CLIP1: variants seen among roughly 807,000 people sequenced by gnomAD.
CLIP1 encodes CAP-Gly domain-containing linker protein 1.
Under a neutral mutation model 161.6 loss-of-function variants are expected in CLIP1, and 66 were observed. The observed-to-expected ratio is 0.41, with a 90% CI of 0.33 to 0.50. The LOEUF is 0.50. CLIP1 is among the 20% of genes least tolerant of loss of function. The probability of loss-of-function intolerance (pLI) is 0.27; values close to 1 mark genes in which losing one functional copy is unlikely to be tolerated. For synonymous variants in CLIP1, 598 were observed against 626.2 expected, an observed-to-expected ratio of 0.96 and a Z score of 0.67; for missense variants, 1,376 against 1,702.0, an observed-to-expected ratio of 0.81 and a Z score of 3.37.
At chr12:122,373,341 T>G (rs1280901849) in intron 3 of CLIP1, among the ~76,000 whole-genome samples, 1 of 151,664 alleles carries the variant, frequency 6.6e-6, no homozygotes, top group Non-Finnish European at 1.5e-5. Context: ...GAGAATCGCT[T>G]GAACCCGGCA....
At chr12:122,287,609 G>A (rs1034097141) in intron 21 of CLIP1, among the ~76,000 whole-genome samples, 2 of 152,116 alleles carry the variant, frequency 1.3e-5, no homozygotes, top group African/African-American at 4.8e-5. Context: ...AAAACTGCAC[G>A]TTTTAGAAGA....
In CLIP1 at chr12:122,288,646, T is replaced by C. The variant is rs562692343; in HGVS notation, c.3595-105A>G. ...CAGGCTCCAGGACAGCTAAAGCCAT[T>C]GGCTTTCCTCAACAGCAATGAAGAG... On this transcript the variant is annotated intron_variant, in intron 20 of 25. Coordinates refer to ENST00000620786, the MANE Select transcript of CLIP1 (RefSeq NM_001247997.2). The C allele has an allele frequency of 6.7e-6, 6 of 901,800 alleles. No individual in the cohort carries two copies. In the South Asian group the frequency reaches 9.3e-5, roughly 14 times the overall value. The allele number at this position is 901,800 out of a possible 1,614,324, so 55.9% of individuals were successfully genotyped here. A position where few individuals can be genotyped will look rare whatever the true frequency, so the allele number is the denominator to read the frequency against.
At position 122,362,446 on chromosome 12, in the gene CLIP1, T is replaced by G. The variant is rs563081565; in HGVS notation, c.783-1265A>C. 1.4e-4 allele frequency among the ~76,000 whole-genome samples: 21 copies of G among 149,824 alleles called. No homozygotes were observed. The South Asian group carries it at 3.0e-3, about 21-fold the overall frequency. Reference sequence around the variant, plus strand: ...TCATGAGGTCAGGAGATCGAGACCATCCTGTCCAACATGGTGAAACCCAGT... The same window carrying G: ...TCATGAGGTCAGGAGATCGAGACCAGCCTGTCCAACATGGTGAAACCCAGT... On this transcript the variant is annotated intron_variant, in intron 4 of 25. Transcript: ENST00000620786.
At chr12:122,412,041 A>G (rs1244976290) in intron 1 of CLIP1, among the ~76,000 whole-genome samples, 1 of 137,968 alleles carries the variant, frequency 7.2e-6, no homozygotes, top group Non-Finnish European at 1.6e-5. Context: ...CCTACTTACT[A>G]TCTACAACCA....
chr12:122,293,664 G>A (rs1318899006), intron 20 of CLIP1, among the ~76,000 whole-genome samples: 1 of 151,740 alleles, frequency 6.6e-6, no homozygotes, highest in Non-Finnish European at 1.5e-5. Flanking sequence ...TTTTAGTAGA[G>A]ACAGGTTTTC....
chr12:122,333,172 A>G, intron 14 of CLIP1, 29 bp from the exon 15 acceptor site: 1 of 1,567,546 alleles, frequency 6.4e-7, no homozygotes, highest in Non-Finnish European at 8.7e-7. Context: ...AAAGAATAGC[A>G]CGGCTGTGTT....
At chr12:122,394,055 C>G (rs1047354520) in intron 1 of CLIP1, among the ~76,000 whole-genome samples, 2 of 152,020 alleles carry the variant, frequency 1.3e-5, no homozygotes, top group African/African-American at 2.4e-5. Flanking sequence ...GATGTGATGT[C>G]TCTCTGACAC....
rs1025394671 is a variant in CLIP1, at chr12:122,330,602, T to TTTTTTTTTTGTTTTTTG, written c.2868-2177_2868-2176insCAAAAAACAAAAAAAAA. Among the ~76,000 whole-genome samples the TTTTTTTTTTGTTTTTTG allele has an allele frequency of 1.8e-3, 255 of 138,330 alleles. 12 individuals carry two copies. Among genetic ancestry groups the TTTTTTTTTTGTTTTTTG allele is most frequent in the African/African-American group, 6.9e-3 (246 of 35,838 alleles). 90.7% of individuals were successfully genotyped at this position (138,330 alleles called of 152,430 possible). A position where few individuals can be genotyped will look rare whatever the true frequency, so the allele number is the denominator to read the frequency against. On this transcript the variant is annotated intron_variant, in intron 15 of 25. Transcript: ENST00000620786. ...CACTGAAGAAGTATAATGCAGTTTT[T>TTTTTTTTTTGTTTTTTG]TTTTTTTTTTTTTTTGAGATGGAGT...
chr12:122,337,475 GA>G (rs1566135719), intron 11 of CLIP1, among the ~76,000 whole-genome samples: 1 of 94,582 alleles, frequency 1.1e-5, no homozygotes, highest in Non-Finnish European at 2.2e-5. Flanking sequence ...AGAAAAGAGA[GA>G]TGGGGTCTCA....
intron 20 of CLIP1, among the ~76,000 whole-genome samples, chr12:122,293,307 C>T (rs969759328): frequency 6.6e-6 from 1 of 152,072 alleles, no homozygotes; most frequent in Non-Finnish European, 1.5e-5. Context: ...CCTGGGCACC[C>T]AAGCCCTCCA....
chr12:122,369,180 G>A (rs919284539), intron 3 of CLIP1, among the ~76,000 whole-genome samples: 2 of 151,748 alleles, frequency 1.3e-5, no homozygotes, highest in African/African-American at 4.8e-5. Context: ...CACCACGCCC[G>A]GCTAATATTT....
rs1176465958 is a variant in CLIP1 at position 122,390,301 on chromosome 12, T to C, written c.-106-9743A>G. ...ATACATATATATATATATATATATA[T>C]ATGTATATATATATATATTATTTTT... On this transcript the variant is annotated intron_variant, in intron 1 of 25. Transcript: ENST00000620786. Among the ~76,000 whole-genome samples the C allele has an allele frequency of 1.1e-4, 14 of 132,878 alleles. 1 individual carries two copies. The highest frequency in any genetic ancestry group is 9.5e-4 in the Admixed American group (12 of 12,566). The allele number at this position is 132,878 out of a possible 152,430, so 87.2% of individuals were successfully genotyped here. A position where few individuals can be genotyped will look rare whatever the true frequency, so the allele number is the denominator to read the frequency against.
At chr12:122,357,101 T>C (rs1953438588) in intron 5 of CLIP1, among the ~76,000 whole-genome samples, 2 of 148,124 alleles carry the variant, frequency 1.4e-5, no homozygotes, top group African/African-American at 5.0e-5. Flanking sequence ...GGCTGCCCAG[T>C]CTGGAAAGTG....
chr12:122,301,832 A>C (rs1950692487), intron 20 of CLIP1, among the ~76,000 whole-genome samples: 1 of 152,098 alleles, frequency 6.6e-6, no homozygotes, highest in East Asian at 1.9e-4. Context: ...GCTTGGCTCA[A>C]ATTTATCATC....
At chr12:122,365,052 A>G (rs1211226854) in intron 3 of CLIP1, among the ~76,000 whole-genome samples, 1 of 152,022 alleles carries the variant, frequency 6.6e-6, no homozygotes, top group African/African-American at 2.4e-5. Context: ...ACATGGACAC[A>G]GTAAGGGGAA....
intron 3 of CLIP1, among the ~76,000 whole-genome samples, chr12:122,376,150 C>T (rs1269743433): frequency 6.6e-6 from 1 of 152,086 alleles, no homozygotes; most frequent in African/African-American, 2.4e-5. Flanking sequence ...GTTGGCCAGG[C>T]TGGTCTTGAA....
At chr12:122,332,913 T>C (rs1952047470) in intron 15 of CLIP1, 74 bp downstream of exon 15, 2 of 1,211,036 alleles carry the variant, frequency 1.7e-6, no homozygotes, top group African/African-American at 1.5e-5. Flanking sequence ...CTAAACATTT[T>C]GTCTCCCCTC....
At chr12:122,353,572 C>T (rs558472491) in intron 7 of CLIP1, among the ~76,000 whole-genome samples, 2 of 152,252 alleles carry the variant, frequency 1.3e-5, no homozygotes, top group African/African-American at 4.8e-5. Context: ...CATGATCACA[C>T]CAGTGCACTC....
intron 5 of CLIP1, among the ~76,000 whole-genome samples, chr12:122,358,911 AT>A (rs1458098208): frequency 6.6e-6 from 1 of 152,100 alleles, no homozygotes; most frequent in East Asian, 1.9e-4. Flanking sequence ...AAATACAAAA[AT>A]TAGCCGGGCA....
Sources: gnomAD v4.1 joint callset for allele counts (sites outside exome capture counted in the v4.1 genomes callset) on GRCh38, gnomAD v4.1.1 for gene constraint, MANE v1.5 for transcripts, NCBI Gene and HGNC (gene_info 2026-07-23, HGNC 2026-07-21) for gene names.